The following SYMPK variants were observed in gnomAD, a reference collection of about 807,000 sequenced individuals.
SYMPK encodes symplekin.
SYMPK carries 49 observed loss-of-function variants against 136.4 expected under a neutral mutation model. The ratio of observed to expected loss-of-function variants is 0.36; its 90% CI spans 0.29 to 0.46. The LOEUF (loss-of-function observed/expected upper bound fraction) is 0.46. Among genes scored for constraint, SYMPK ranks in the 20% least tolerant of loss-of-function variants. The pLI is 1.00. For missense variants in SYMPK, 1,365 were observed against 1,690.0 expected (o/e 0.81, Z 3.37); for synonymous variants, 766 against 713.0 (o/e 1.07, Z -1.19).
chr19:45,816,019 A>AGAGGGG lies in SYMPK; in HGVS notation c.3513_3518dup (p.Pro1176_Ser1177dup), dbSNP rs759122136. On this transcript the variant is annotated inframe_insertion, in exon 26 of 27. Transcript: ENST00000245934. ...GGCCTGGCCGGGCCGACGGAGAGGGAGAGGGGGAGGAAGAGGAGGGGGCTC... is the reference window on the plus strand; with the variant it reads ...GGCCTGGCCGGGCCGACGGAGAGGGAGAGGGGGAGGGGGAGGAAGAGGAGGGGGCTC... 38 of 1,594,486 alleles carry AGAGGGG rather than the reference A, an allele frequency of 2.4e-5. No individual in the cohort carries two copies. Among genetic ancestry groups the AGAGGGG allele is most frequent in the Admixed American group, 3.5e-5 (2 of 57,280 alleles).
chr19:45,851,534 C>A (rs1015855807), intron 5 of SYMPK, among the ~76,000 whole-genome samples: 2 of 150,902 alleles, frequency 1.3e-5, no homozygotes, highest in South Asian at 4.2e-4. Context: ...GCCAAGATTG[C>A]GCCACTGTAC....
chr19:45,829,164 G>C lies in SYMPK; in HGVS notation c.1791C>G (p.Asn597Lys). ...ACAGGACCTCCGCCTTCAGGCCCGA[G>C]TTGAACTGTGTCACCAGGCTGGCCA... ...KILASLVTQF[N>K]SGLKAEVLSF... Residue 597 changes from asparagine to lysine, a missense_variant, in exon 14 of 27, where the codon AAC (asparagine) becomes AAG (lysine). Around this residue, in one of 11 missense-constraint regions of SYMPK, gnomAD observed 303 missense variants for 326.6 expected, o/e 0.93. Transcript: ENST00000245934. 1.2e-6 allele frequency: 2 copies of C among 1,614,160 alleles called. No homozygotes were observed. The highest frequency in any genetic ancestry group is 8.5e-7 in the Non-Finnish European group (1 of 1,180,018).
At chr19:45,849,666 T>C (rs1452564811) in intron 5 of SYMPK, among the ~76,000 whole-genome samples, 2 of 152,242 alleles carry the variant, frequency 1.3e-5, no homozygotes, top group Non-Finnish European at 2.9e-5. Flanking sequence ...AATGGACTTT[T>C]TACAAATTCA....
chr19:45,850,539 T>C (rs933702600), intron 5 of SYMPK, among the ~76,000 whole-genome samples: 2 of 152,232 alleles, frequency 1.3e-5, no homozygotes, highest in African/African-American at 4.8e-5. Flanking sequence ...ATTCTGAGCC[T>C]GTTTCCCTTT....
rs574092330 is a variant in SYMPK at position 45,823,660 on chromosome 19, C to T, written c.2599+107G>A. 2.8e-4 allele frequency: 301 copies of T among 1,076,642 alleles called. 4 individuals carry two copies. The South Asian group carries it at 3.9e-3, about 14-fold the overall frequency. The allele number at this position is 1,076,642 out of a possible 1,614,324, so 66.7% of individuals were successfully genotyped here. On this transcript the variant is annotated intron_variant, in intron 19 of 26. Coordinates refer to ENST00000245934, the MANE Select transcript of SYMPK (RefSeq NM_004819.3). Reference sequence around the variant, plus strand: ...TGAGGCCCTAGGACAGGCACAGACCCGCAAGAGGTACGACCATCTGGGGAC... The same window carrying T: ...TGAGGCCCTAGGACAGGCACAGACCTGCAAGAGGTACGACCATCTGGGGAC...
chr19:45,824,449 G>A (rs1970990690), intron 18 of SYMPK, among the ~76,000 whole-genome samples: 1 of 152,100 alleles, frequency 6.6e-6, no homozygotes, highest in South Asian at 2.1e-4. Flanking sequence ...TCCACAGCTG[G>A]ACCACCTTGA....
intron 22 of SYMPK, chr19:45,820,531 T>A (rs1011363667): frequency 6.6e-6 from 1 of 151,830 alleles, no homozygotes; most frequent in Non-Finnish European, 1.5e-5. Context: ...CGTCTGAGGG[T>A]GAGAAGAGAA....
chr19:45,838,487 G>C lies in SYMPK; in HGVS notation c.1216C>G (p.Leu406Val). ...AGATTAGCCACATTATCAGGCGTCA[G>C]CAGAGGCTGCAGGAACTCAGCTGTG... ...DITAEFLQPL[L>V]TPDNVANLVL... Residue 406 changes from leucine (L) to valine (V), a missense_variant, in exon 10 of 27, where the codon CTG (leucine) becomes GTG (valine). This residue lies in a region of SYMPK where 111 missense variants were observed against 141.2 expected (regional missense o/e 0.79). Coordinates refer to ENST00000245934, the MANE Select transcript of SYMPK (RefSeq NM_004819.3). The C allele has an allele frequency of 6.2e-7, 1 of 1,613,938 alleles. No homozygotes were observed. Among genetic ancestry groups the C allele is most frequent in the Non-Finnish European group, 8.5e-7 (1 of 1,179,884 alleles).
intron 10 of SYMPK, among the ~76,000 whole-genome samples, chr19:45,837,964 T>G (rs1243789717): frequency 1.3e-5 from 2 of 152,200 alleles, no homozygotes; most frequent in East Asian, 3.9e-4. Context: ...AGAAGCGGGT[T>G]GCATACCCAG....
rs867130476 is a variant in SYMPK at position 45,857,420 on chromosome 19, A to C, written c.-12-2913T>G. Among the ~76,000 whole-genome samples the C allele has an allele frequency of 9.5e-3, 1,395 of 147,456 alleles. 23 individuals are homozygous for C. The highest frequency in any genetic ancestry group is 0.015 in the Non-Finnish European group (1,001 of 66,622). The stretch of plus-strand genomic sequence containing the variant: ...GTGAGACTCTGTCTCAAAAAAAAAA[A>C]AAAAAAAAAAAAAACACACACTAAA... On this transcript the variant is annotated intron_variant, in intron 1 of 26. Transcript: ENST00000245934.
chr19:45,835,331 A>T, intron 10 of SYMPK, 103 bp from the exon 11 acceptor site: 6 of 1,189,608 alleles, frequency 5.0e-6, no homozygotes, highest in African/African-American at 1.5e-5. Flanking sequence ...CCTAAGACCG[A>T]CTTGGGCCTG....
At chr19:45,842,162 T>C (rs777802328) in intron 9 of SYMPK, 88 bp downstream of exon 9, 526 of 1,566,802 alleles carry the variant, frequency 3.4e-4, no homozygotes, top group Non-Finnish European at 4.4e-4. Context: ...TAATATAATC[T>C]TAGTAAATAC....
chr19:45,854,829 C>A, intron 1 of SYMPK: 1 of 356,430 alleles, frequency 2.8e-6, no homozygotes, highest in Non-Finnish European at 5.3e-6. Context: ...TCCGTGTGTC[C>A]CCTCTCTCCA....
intron 7 of SYMPK, 22 bp downstream of exon 7, chr19:45,847,730 G>A: frequency 2.5e-6 from 4 of 1,595,750 alleles, no homozygotes; most frequent in Non-Finnish European, 3.4e-6. Flanking sequence ...TGTCAGGGGT[G>A]GCAGCTGAAG....
chr19:45,846,742 G>A (rs2146334966), intron 7 of SYMPK, among the ~76,000 whole-genome samples: 1 of 152,196 alleles, frequency 6.6e-6, no homozygotes, highest in South Asian at 2.1e-4. Context: ...GACTGAGGGA[G>A]GGGACATTAT....
intron 19 of SYMPK, 78 bp downstream of exon 19, chr19:45,823,689 G>T: frequency 7.7e-7 from 1 of 1,300,866 alleles, no homozygotes; most frequent in Non-Finnish European, 1.1e-6. Flanking sequence ...TGGGGACCCA[G>T]CAGCTCAGAT....
At chr19:45,848,447 A>G (rs1971618650) in intron 6 of SYMPK, among the ~76,000 whole-genome samples, 1 of 152,238 alleles carries the variant, frequency 6.6e-6, no homozygotes, top group Admixed American at 6.5e-5. Flanking sequence ...CTGTGAAGGC[A>G]GTAAGCTGTC....
chr19:45,848,144 T>A, intron 6 of SYMPK, 143 bp from the exon 7 acceptor site: 1 of 1,116,776 alleles, frequency 9.0e-7, no homozygotes, highest in Non-Finnish European at 1.2e-6. Context: ...GTTCCAACTC[T>A]GCCCCAGCCC....
intron 3 of SYMPK, among the ~76,000 whole-genome samples, chr19:45,853,725 G>A (rs752680097): frequency 6.6e-6 from 1 of 152,152 alleles, no homozygotes; most frequent in South Asian, 2.1e-4. Context: ...CCTAGGCTGG[G>A]TCAGGAGCTC....
Sources: gnomAD v4.1 joint callset for allele counts (sites outside exome capture counted in the v4.1 genomes callset) on GRCh38, gnomAD v4.1.1 for gene constraint, gnomAD v4.1.1 regional missense constraint, MANE v1.5 for transcripts, NCBI Gene and HGNC (gene_info 2026-07-23, HGNC 2026-07-21) for gene names.